The following ONECUT3 variants were observed in gnomAD, a reference collection of about 807,000 sequenced individuals.
ONECUT3 encodes the protein one cut domain family member 3.
A neutral mutation model predicts 16.8 loss-of-function variants in ONECUT3; 11 were observed. The observed-to-expected ratio is 0.66, with a 90% CI of 0.41 to 1.09. The LOEUF is 1.09. Ranked by LOEUF, ONECUT3 falls within the 50% of genes least tolerant of loss-of-function variation. The pLI is 0.00. For missense variants in ONECUT3, 637 were observed against 629.9 expected (o/e 1.01, Z -0.12); for synonymous variants, 344 against 310.7 (o/e 1.11, Z -1.13).
chr19:1,763,629 G>A (rs2067959673), intron 1 of ONECUT3, among the ~76,000 whole-genome samples: 1 of 152,008 alleles, frequency 6.6e-6, no homozygotes, highest in South Asian at 2.1e-4. Context: ...AATGCAAGAT[G>A]AGGTGGCTTC....
At chr19:1,767,945 C>A (rs1375112936) in intron 1 of ONECUT3, among the ~76,000 whole-genome samples, 1 of 152,146 alleles carries the variant, frequency 6.6e-6, no homozygotes, top group Non-Finnish European at 1.5e-5. Flanking sequence ...AGATCCTCCT[C>A]ATCCTTAGAT....
chr19:1,754,358 C>T lies in ONECUT3; in HGVS notation c.696C>T (p.Gly232=). Residue 232 remains glycine (G), a synonymous_variant, in exon 1 of 2, where the codon GGC becomes GGT. Transcript: ENST00000382349. The surrounding 1 kb of genome is among the most constrained non-coding windows in gnomAD (Gnocchi z 7.4). The part of the protein sequence containing the change: ...PPPLAAYGPP[G]HLAGDKLLPP... ...CGCTGGCCGCCTACGGCCCGCCAGG[C>T]CACCTGGCTGGGGACAAGCTGCTGC... The T allele has an allele frequency of 9.2e-7, 1 of 1,088,546 alleles. No homozygotes were observed. The highest frequency in any genetic ancestry group is 1.1e-6 in the Non-Finnish European group (1 of 892,886). 67.4% of individuals were successfully genotyped at this position (1,088,546 alleles called of 1,614,324 possible). A position where few individuals can be genotyped will look rare whatever the true frequency, so the allele number is the denominator to read the frequency against.
chr19:1,775,126 G>GGGGCCCCCCCCCCC, intron 1 of ONECUT3, 27 bp from the exon 2 acceptor site: 2 of 1,143,898 alleles, frequency 1.7e-6, no homozygotes, highest in Non-Finnish European at 2.4e-6. Flanking sequence ...TGTCCCGCTC[G>GGGGCCCCCCCCCCC]CCCGCCCGCC....
intron 1 of ONECUT3, among the ~76,000 whole-genome samples, chr19:1,767,029 A>G (rs1294669934): frequency 6.6e-6 from 1 of 151,840 alleles, no homozygotes; most frequent in Non-Finnish European, 1.5e-5. Flanking sequence ...GGGAGAGGCC[A>G]TTGCTCCTGG....
Position 1,761,412 on chromosome 19 carries a change from TGGGTTGGCACCCC to T in ONECUT3, c.1192+6571_1192+6583del, listed in dbSNP as rs553314747. On this transcript the variant is annotated intron_variant, in intron 1 of 1. Coordinates refer to ENST00000382349, the MANE Select transcript of ONECUT3 (RefSeq NM_001080488.2). ...CTAAGGGAGCTTTGCATGGCCACTTTGGGTTGGCACCCCGGGTTGGCACCCTGCCCCGTGGCTC... is the reference window on the plus strand; with the variant it reads ...CTAAGGGAGCTTTGCATGGCCACTTTGGGTTGGCACCCTGCCCCGTGGCTC... 3.9e-3 allele frequency among the ~76,000 whole-genome samples: 601 copies of T among 152,310 alleles called. 6 individuals carry two copies. The highest frequency in any genetic ancestry group is 0.013 in the African/African-American group (561 of 41,560).
rs1373682974 is a variant in ONECUT3, at chr19:1,775,179, CAGA to C, written c.1222_1224del (p.Lys408del). ...CTGCAAGCGCAAGGAACAGGAGCAG[CAGA>C]AGGAGCGCGCCCTGCAGCCCAAGAA... On this transcript the variant is annotated inframe_deletion, in exon 2 of 2. Coordinates refer to ENST00000382349, the MANE Select transcript of ONECUT3 (RefSeq NM_001080488.2). 2.0e-6 allele frequency: 3 copies of C among 1,487,638 alleles called. No individual in the cohort carries two copies. Among genetic ancestry groups the C allele is most frequent in the East Asian group, 2.8e-5 (1 of 35,418 alleles). The allele number at this position is 1,487,638 out of a possible 1,614,324, so 92.2% of individuals were successfully genotyped here. A position where few individuals can be genotyped will look rare whatever the true frequency, so the allele number is the denominator to read the frequency against.
Position 1,753,598 on chromosome 19 carries a change from A to G in ONECUT3, c.-65A>G. The G allele has an allele frequency of 1.8e-6, 1 of 559,716 alleles. No individual in the cohort carries two copies. The highest frequency in any genetic ancestry group is 2.3e-6 in the Non-Finnish European group (1 of 432,104). The allele number at this position is 559,716 out of a possible 1,614,324, so 34.7% of individuals were successfully genotyped here. A position where few individuals can be genotyped will look rare whatever the true frequency, so the allele number is the denominator to read the frequency against. On this transcript the variant is annotated 5_prime_UTR_variant, in exon 1 of 2. An upstream start codon of the reference 5' UTR is lost. Coordinates refer to ENST00000382349, the MANE Select transcript of ONECUT3 (RefSeq NM_001080488.2). Reference sequence around the variant, plus strand: ...AGCCACCGGGGAGCGGGCGGGAGTCATGCAGCGGCCTTGAGCACTAGGGGC... The same window carrying G: ...AGCCACCGGGGAGCGGGCGGGAGTCGTGCAGCGGCCTTGAGCACTAGGGGC...
Position 1,776,194 on chromosome 19 carries a change from C to G in ONECUT3, c.*749C>G, listed in dbSNP as rs1320506426. 2.0e-5 allele frequency: 3 copies of G among 152,020 alleles called. No homozygotes were observed. 9.4% of individuals were successfully genotyped at this position (152,020 alleles called of 1,614,324 possible). ...CCACCCCATCCCAGGCCGCAGGGGA[C>G]GGGGGGCTCCCACGTGCGGGTAAAT... On this transcript the variant is annotated 3_prime_UTR_variant, in exon 2 of 2. Transcript: ENST00000382349. The surrounding 1 kb of genome is among the most constrained non-coding windows in gnomAD (Gnocchi z 4.9).
rs1467878861 is a variant in ONECUT3 at position 1,777,939 on chromosome 19, G to A, written c.*2494G>A. 3.6e-5 allele frequency: 5 copies of A among 139,862 alleles called. No homozygotes were observed. Among genetic ancestry groups the A allele is most frequent in the Non-Finnish European group, 6.0e-5 (4 of 66,450 alleles). 8.7% of individuals were successfully genotyped at this position (139,862 alleles called of 1,614,324 possible). A position where few individuals can be genotyped will look rare whatever the true frequency, so the allele number is the denominator to read the frequency against. ...GAAACTGGAAGGCAGAGGTTGCAGT[G>A]AGCCGAGATTGCGCCACTACACTCT... On this transcript the variant is annotated 3_prime_UTR_variant, in exon 2 of 2. Transcript: ENST00000382349.
chr19:1,759,478 G>A lies in ONECUT3; in HGVS notation c.1192+4624G>A, dbSNP rs1568593335. Among the ~76,000 whole-genome samples, 1 of 152,000 alleles carries A rather than the reference G, an allele frequency of 6.6e-6. No homozygotes were observed. The highest frequency in any genetic ancestry group is 1.9e-4 in the East Asian group (1 of 5,186). On this transcript the variant is annotated intron_variant, in intron 1 of 1. Coordinates refer to ENST00000382349, the MANE Select transcript of ONECUT3 (RefSeq NM_001080488.2). This position sits in a 1 kb window ranked among gnomAD's most constrained non-coding sequence, Gnocchi z 4.1. The stretch of plus-strand genomic sequence containing the variant: ...CTGGATGAAGGGGAGGGATGAGCAG[G>A]GAGAGGAGGAGGAGGAGGAGAGGGA...
At position 1,755,597 on chromosome 19, in the gene ONECUT3, GCC is replaced by G. The variant is rs2067912583; in HGVS notation, c.1192+746_1192+747del. 6.6e-6 allele frequency among the ~76,000 whole-genome samples: 1 copy of G among 152,106 alleles called. No individual in the cohort carries two copies. The highest frequency in any genetic ancestry group is 1.5e-5 in the Non-Finnish European group (1 of 67,990). On this transcript the variant is annotated intron_variant, in intron 1 of 1. Coordinates refer to ENST00000382349, the MANE Select transcript of ONECUT3 (RefSeq NM_001080488.2). This position sits in a 1 kb window ranked among gnomAD's most constrained non-coding sequence, Gnocchi z 7.5. ...GTTTGGTCGTGGCTCGGGTGCGCGC[GCC>G]CCTGCCCGCCTGGCTTTGGGGTTTT...
chr19:1,754,858 G>A lies in ONECUT3; in HGVS notation c.1192+4G>A. On this transcript the variant is annotated splice_donor_region_variant and intron_variant, in intron 1 of 1. Coordinates refer to ENST00000382349, the MANE Select transcript of ONECUT3 (RefSeq NM_001080488.2). The surrounding 1 kb of genome is among the most constrained non-coding windows in gnomAD (Gnocchi z 7.4). ...ATGTCGGCGCTGCGCTTGGCAGGTA[G>A]GAGCGTGGCGCGCAGGGCCAGACCC... 2.1e-6 allele frequency: 3 copies of A among 1,463,262 alleles called. No individual in the cohort carries two copies. The highest frequency in any genetic ancestry group is 2.7e-6 in the Non-Finnish European group (3 of 1,100,226). 90.6% of individuals were successfully genotyped at this position (1,463,262 alleles called of 1,614,324 possible).
intron 1 of ONECUT3, among the ~76,000 whole-genome samples, chr19:1,757,927 C>T (rs1305452677): frequency 6.6e-6 from 1 of 152,192 alleles, no homozygotes; most frequent in Non-Finnish European, 1.5e-5. Context: ...GCCCTTTCTA[C>T]TCCGGCATCC....
At chr19:1,771,985 G>GGTA in intron 1 of ONECUT3, among the ~76,000 whole-genome samples, 2 of 132,084 alleles carry the variant, frequency 1.5e-5, no homozygotes, top group East Asian at 4.8e-4. Flanking sequence ...AGCCTATTTA[G>GGTA]TTATTATTTA....
chr19:1,765,771 A>C (rs1452979660), intron 1 of ONECUT3, among the ~76,000 whole-genome samples: 1 of 152,212 alleles, frequency 6.6e-6, no homozygotes, highest in East Asian at 1.9e-4. Flanking sequence ...TGCGCGTTCA[A>C]GGCCACTCGG....
chr19:1,766,232 G>A lies in ONECUT3; in HGVS notation c.1193-8921G>A, dbSNP rs575481978. On this transcript the variant is annotated intron_variant, in intron 1 of 1. Transcript: ENST00000382349. The surrounding 1 kb of genome is among the most constrained non-coding windows in gnomAD (Gnocchi z 4.0). ...CAGACTTCGCCCTCCACCCCGCCGG[G>A]ACATTTGGGAAGCCTCAGGCAGCCC... is the stretch of plus-strand genomic sequence containing the variant. Among the ~76,000 whole-genome samples, 1 of 152,304 alleles carries A rather than the reference G, an allele frequency of 6.6e-6. No individual in the cohort carries two copies. The highest frequency in any genetic ancestry group is 2.1e-4 in the South Asian group (1 of 4,832).
intron 1 of ONECUT3, among the ~76,000 whole-genome samples, chr19:1,768,326 C>G (rs540893934): frequency 6.6e-6 from 1 of 152,044 alleles, no homozygotes; most frequent in Admixed American, 6.6e-5. Flanking sequence ...CAGAGAGAAC[C>G]GTCGTGCAAA....
chr19:1,753,662 C>G lies in ONECUT3; in HGVS notation c.-1C>G. On this transcript the variant is annotated 5_prime_UTR_variant, in exon 1 of 2. Transcript: ENST00000382349. ...CGCGCGCGGCGGGAGGGCAGCCGAGCATGGAGCTGAGCCTGGAGAGCCTGG... is the reference window on the plus strand; with the variant it reads ...CGCGCGCGGCGGGAGGGCAGCCGAGGATGGAGCTGAGCCTGGAGAGCCTGG... 2.9e-6 allele frequency: 3 copies of G among 1,050,212 alleles called. No individual in the cohort carries two copies. Among genetic ancestry groups the G allele is most frequent in the Non-Finnish European group, 3.4e-6 (3 of 871,810 alleles). 65.1% of individuals were successfully genotyped at this position (1,050,212 alleles called of 1,614,324 possible). A position where few individuals can be genotyped will look rare whatever the true frequency, so the allele number is the denominator to read the frequency against.
In ONECUT3 at chr19:1,766,814, C is replaced by A. The variant is rs865921563; in HGVS notation, c.1193-8339C>A. ...TCTTGCAGGCTGGGCTGAGACCCCC[C>A]CCCCATGCTCCACCACCCTCGTGTA... On this transcript the variant is annotated intron_variant, in intron 1 of 1. Coordinates refer to ENST00000382349, the MANE Select transcript of ONECUT3 (RefSeq NM_001080488.2). This position sits in a 1 kb window ranked among gnomAD's most constrained non-coding sequence, Gnocchi z 4.0. 6.6e-6 allele frequency among the ~76,000 whole-genome samples: 1 copy of A among 152,204 alleles called. No homozygotes were observed. Among genetic ancestry groups the A allele is most frequent in the African/African-American group, 2.4e-5 (1 of 41,512 alleles).
Sources: allele counts gnomAD v4.1 joint callset (sites outside exome capture counted in the v4.1 genomes callset), GRCh38; gene constraint gnomAD v4.1.1; non-coding constraint Gnocchi (gnomAD v3.1); transcripts MANE v1.5; gene names NCBI Gene and HGNC (gene_info 2026-07-23, HGNC 2026-07-21).